The following SZT2 variants were observed in gnomAD, a reference collection of about 807,000 sequenced individuals.
SZT2 encodes the protein KICSTOR complex protein SZT2.
A neutral mutation model predicts 404.2 loss-of-function variants in SZT2; 216 were observed. The ratio of observed to expected loss-of-function variants is 0.53; its 90% CI spans 0.48 to 0.60. The LOEUF (loss-of-function observed/expected upper bound fraction) is 0.60. SZT2 is among the 20% of genes least tolerant of loss of function. The pLI is 0.00. For missense variants in SZT2, 3,857 were observed against 4,459.2 expected (o/e 0.86, Z 3.85); for synonymous variants, 1,693 against 1,749.9 (o/e 0.97, Z 0.81).
At chr1:43,428,705 T>C in intron 28 of SZT2, 1 of 592,582 alleles carries the variant, frequency 1.7e-6, no homozygotes, top group Admixed American at 3.1e-5. Flanking sequence ...TCCCCTGCTT[T>C]GGTGTTGAGT....
Position 43,453,337 on chromosome 1 carries a change from G to T in SZT2, c.*2857G>T. On this transcript the variant is annotated 3_prime_UTR_variant, in exon 72 of 72. Coordinates refer to ENST00000634258, the MANE Select transcript of SZT2 (RefSeq NM_001365999.1). The stretch of plus-strand genomic sequence containing the variant: ...CTGGCGTCCTCGACTCCCTGAACCT[G>T]CATCAGGGTCATGGGTCACAGGGGT... 7.9e-7 allele frequency: 1 copy of T among 1,265,304 alleles called. No homozygotes were observed. Among genetic ancestry groups the T allele is most frequent in the Non-Finnish European group, 1.1e-6 (1 of 907,788 alleles). The allele number at this position is 1,265,304 out of a possible 1,614,324, so 78.4% of individuals were successfully genotyped here.
At chr1:43,401,819 T>C (rs2153929382) in intron 1 of SZT2, among the ~76,000 whole-genome samples, 1 of 152,258 alleles carries the variant, frequency 6.6e-6, no homozygotes, top group South Asian at 2.1e-4. Flanking sequence ...CTTTTGCATA[T>C]ATCTTAGATG....
chr1:43,446,929 CCT>C lies in SZT2; in HGVS notation c.9073-25_9073-24del, dbSNP rs34325115. On this transcript the variant is annotated intron_variant, in intron 65 of 71. Transcript: ENST00000634258. ...GCAGCCAGTGCAGCCATACCTTAAC[CCT>C]GTCTCCTGCTGCTGCCTCCCCAGCT... 1.2e-3 allele frequency: 1,913 copies of C among 1,599,602 alleles called. 24 individuals carry two copies. The African/African-American group carries it at 0.023, about 19-fold the overall frequency.
chr1:43,432,483 G>A (rs755576250), intron 37 of SZT2, 34 bp from the exon 38 acceptor site: 11 of 1,575,304 alleles, frequency 7.0e-6, no homozygotes, highest in Admixed American at 1.9e-5. Flanking sequence ...GGTGTGTGGG[G>A]CCTATACCTC....
chr1:43,452,219 C>T lies in SZT2; in HGVS notation c.*1739C>T. ...ACCTTTCTCACCTGAGCCAAAACCC[C>T]AGCTGCATGCCTCAGGTTCTCCAGA... On this transcript the variant is annotated 3_prime_UTR_variant, in exon 72 of 72. Coordinates refer to ENST00000634258, the MANE Select transcript of SZT2 (RefSeq NM_001365999.1). 6.2e-7 allele frequency: 1 copy of T among 1,613,304 alleles called. No homozygotes were observed. The highest frequency in any genetic ancestry group is 8.5e-7 in the Non-Finnish European group (1 of 1,179,558).
rs1022269524 is a variant in SZT2, at chr1:43,427,295, G to A, written c.3448G>A (p.Ala1150Thr). 1.2e-6 allele frequency: 2 copies of A among 1,610,336 alleles called. No homozygotes were observed. Among genetic ancestry groups the A allele is most frequent in the Admixed American group, 1.7e-5 (1 of 59,528 alleles). Residue 1150 changes from alanine to threonine, a missense_variant, in exon 25 of 72, where the codon GCT (alanine) becomes ACT (threonine). Around this residue, in one of 7 missense-constraint regions of SZT2, gnomAD observed 1,725 missense variants for 1,881.0 expected, o/e 0.92. Coordinates refer to ENST00000634258, the MANE Select transcript of SZT2 (RefSeq NM_001365999.1). ...PATFSDVQRL[A>T]ACGLEGPPQE... is the part of the protein sequence containing the mutation. ...ATCCTCTTCAGATGTCCAGCGTCTG[G>A]CTGCCTGTGGCCTGGAGGGACCCCC...
In SZT2 at chr1:43,425,310, A is replaced by G; in HGVS notation, c.2645+103A>G. On this transcript the variant is annotated intron_variant, in intron 18 of 71. Coordinates refer to ENST00000634258, the MANE Select transcript of SZT2 (RefSeq NM_001365999.1). The surrounding 1 kb of genome is among the most constrained non-coding windows in gnomAD (Gnocchi z 4.3). ...TATCCTGAGATGATCTTGATCCCAA[A>G]GTCAGGGAGGGGGTGCGGTGTTTAG... is the stretch of plus-strand genomic sequence containing the variant. 1.3e-6 allele frequency: 2 copies of G among 1,528,514 alleles called. No individual in the cohort carries two copies. Among genetic ancestry groups the G allele is most frequent in the Non-Finnish European group, 1.8e-6 (2 of 1,116,358 alleles). 94.7% of individuals were successfully genotyped at this position (1,528,514 alleles called of 1,614,324 possible).
intron 31 of SZT2, 41 bp from the exon 32 acceptor site, chr1:43,430,455 C>T (rs765594851): frequency 1.7e-5 from 28 of 1,606,198 alleles, no homozygotes; most frequent in Non-Finnish European, 2.1e-5. Context: ...AAGGGTTCCA[C>T]TGCCAGCCTC....
In SZT2 at chr1:43,453,431, C is replaced by G; in HGVS notation, c.*2951C>G. 6.4e-7 allele frequency: 1 copy of G among 1,562,784 alleles called. No individual in the cohort carries two copies. The highest frequency in any genetic ancestry group is 8.7e-7 in the Non-Finnish European group (1 of 1,152,538). ...GGCATACCGCACGGCCTGCTCCAGT[C>G]CCTCTCGGAAGGCCGCCTGTCTCCC... On this transcript the variant is annotated 3_prime_UTR_variant, in exon 72 of 72. Coordinates refer to ENST00000634258, the MANE Select transcript of SZT2 (RefSeq NM_001365999.1).
chr1:43,446,279 A>G lies in SZT2; in HGVS notation c.8997+20A>G. 1.2e-6 allele frequency: 2 copies of G among 1,614,200 alleles called. No homozygotes were observed. Among genetic ancestry groups the G allele is most frequent in the Non-Finnish European group, 1.7e-6 (2 of 1,180,032 alleles). ...TTCCAGGTAAGCAGGAGGAGCACTGAGTGGAGACAGCCAGACCCACCTGTC... is the reference window on the plus strand; with the variant it reads ...TTCCAGGTAAGCAGGAGGAGCACTGGGTGGAGACAGCCAGACCCACCTGTC... On this transcript the variant is annotated intron_variant, in intron 64 of 71. Coordinates refer to ENST00000634258, the MANE Select transcript of SZT2 (RefSeq NM_001365999.1).
In SZT2 at chr1:43,439,001, C is replaced by T; in HGVS notation, c.6700C>T (p.Leu2234Phe). 6.2e-7 allele frequency: 1 copy of T among 1,614,242 alleles called. No homozygotes were observed. The highest frequency in any genetic ancestry group is 8.5e-7 in the Non-Finnish European group (1 of 1,180,048). ...LALPTSCRPW[L>F]PALAWYLRQN... is the part of the protein sequence containing the mutation. ...CCTACCCACCTCCTGCAGGCCCTGG[C>T]TTCCAGCCCTGGCATGGTACCTACG... The change falls in exon 48 of 72, where the codon CTT becomes TTT. Residue 2234 changes from leucine to phenylalanine, a missense_variant. This residue lies in a region of SZT2 where 261 missense variants were observed against 372.9 expected (regional missense o/e 0.70). Coordinates refer to ENST00000634258, the MANE Select transcript of SZT2 (RefSeq NM_001365999.1). The surrounding 1 kb of genome is among the most constrained non-coding windows in gnomAD (Gnocchi z 4.2).
In SZT2 at chr1:43,448,963, C is replaced by A. The variant is rs570230014; in HGVS notation, c.10086+235C>A. On this transcript the variant is annotated intron_variant, in intron 70 of 71. Coordinates refer to ENST00000634258, the MANE Select transcript of SZT2 (RefSeq NM_001365999.1). This position sits in a 1 kb window ranked among gnomAD's most constrained non-coding sequence, Gnocchi z 4.2. ...AAGAATACAAGCCTTGGCTTGAGAT[C>A]CTGAGGGCCAGGCTCTGGAACTGAC... is the stretch of plus-strand genomic sequence containing the variant. 2.5e-5 allele frequency: 13 copies of A among 521,540 alleles called. No individual in the cohort carries two copies. The highest frequency in any genetic ancestry group is 2.3e-4 in the African/African-American group (12 of 52,270). 32.3% of individuals were successfully genotyped at this position (521,540 alleles called of 1,614,324 possible). A position where few individuals can be genotyped will look rare whatever the true frequency, so the allele number is the denominator to read the frequency against.
At position 43,438,722 on chromosome 1, in the gene SZT2, G is replaced by T. The variant is rs143685264; in HGVS notation, c.6532G>T (p.Val2178Leu). 5 of 1,613,958 alleles carry T rather than the reference G, an allele frequency of 3.1e-6. No homozygotes were observed. Among genetic ancestry groups the T allele is most frequent in the Non-Finnish European group, 4.2e-6 (5 of 1,179,992 alleles). ...AGGTCCTGAGATCACGGATGAGCTC[G>T]TGCGAGTTCTATGTCGGCGCCTGGA... ...QAGPEITDEL[V>L]RVLCRRLDEA... The change falls in exon 47 of 72, where the codon GTG becomes TTG. Residue 2178 changes from valine (V) to leucine (L), a missense_variant. This residue lies in a region of SZT2 where 261 missense variants were observed against 372.9 expected (regional missense o/e 0.70). Coordinates refer to ENST00000634258, the MANE Select transcript of SZT2 (RefSeq NM_001365999.1).
At chr1:43,417,674 T>C (rs1651868586) in intron 7 of SZT2, among the ~76,000 whole-genome samples, 1 of 152,234 alleles carries the variant, frequency 6.6e-6, no homozygotes, top group Non-Finnish European at 1.5e-5. Context: ...ATTTAAAGTA[T>C]GTAGCATTGT....
At chr1:43,414,594 T>G (rs987849118) in intron 4 of SZT2, among the ~76,000 whole-genome samples, 7 of 152,154 alleles carry the variant, frequency 4.6e-5, no homozygotes, top group African/African-American at 1.7e-4. Context: ...CTAATTTTTG[T>G]AAAATTGAAA....
At chr1:43,435,494 G>C (rs563519622) in intron 42 of SZT2, among the ~76,000 whole-genome samples, 165 bp downstream of exon 42, 82 of 152,330 alleles carry the variant, frequency 5.4e-4, no homozygotes, top group African/African-American at 1.9e-3. Context: ...CACTGGCCTT[G>C]GCTGCTGCTG....
Position 43,426,599 on chromosome 1 carries a change from CA to C in SZT2, c.3214+62del. 1 of 1,506,768 alleles carries C rather than the reference CA, an allele frequency of 6.6e-7. No individual in the cohort carries two copies. Among genetic ancestry groups the C allele is most frequent in the Admixed American group, 2.0e-5 (1 of 49,720 alleles). The allele number at this position is 1,506,768 out of a possible 1,614,324, so 93.3% of individuals were successfully genotyped here. On this transcript the variant is annotated intron_variant, in intron 22 of 71. Coordinates refer to ENST00000634258, the MANE Select transcript of SZT2 (RefSeq NM_001365999.1). This position sits in a 1 kb window ranked among gnomAD's most constrained non-coding sequence, Gnocchi z 4.9. ...GCCCAGCCCTTTTCCCCCACCCTCA[CA>C]GGGTGATTTCTGTCTTTGAGTTTTG...
intron 1 of SZT2, among the ~76,000 whole-genome samples, chr1:43,401,616 G>A (rs574728848): frequency 6.6e-6 from 1 of 152,144 alleles, no homozygotes; most frequent in East Asian, 1.9e-4. Flanking sequence ...CTCCCAAGTA[G>A]CTGGGATTAC....
intron 42 of SZT2, chr1:43,436,717 T>C (rs1654491578): frequency 6.0e-6 from 1 of 167,400 alleles, no homozygotes; most frequent in Non-Finnish European, 1.3e-5. Context: ...TTATTGGCGT[T>C]TCTGTCTTCC....
Sources: gnomAD v4.1 joint callset for allele counts (sites outside exome capture counted in the v4.1 genomes callset) on GRCh38, gnomAD v4.1.1 for gene constraint, gnomAD v4.1.1 regional missense constraint, Gnocchi (gnomAD v3.1) non-coding constraint, MANE v1.5 for transcripts, NCBI Gene and HGNC (gene_info 2026-07-23, HGNC 2026-07-21) for gene names.